SLCO1B3: variants seen among roughly 807,000 people sequenced by gnomAD.
SLCO1B3 encodes liver-specific organic anion transporter 2.
Under a neutral mutation model 71.8 loss-of-function variants are expected in SLCO1B3, and 72 were observed. That is an observed-to-expected ratio of 1.00 (90% confidence interval 0.83 to 1.22). SLCO1B3 has a LOEUF of 1.22. Among genes scored for constraint, SLCO1B3 ranks in the 50% most tolerant of loss-of-function variants. SLCO1B3 has a pLI of 0.00. For missense variants in SLCO1B3, 911 were observed against 819.7 expected, an observed-to-expected ratio of 1.11 and a Z score of -1.36; for synonymous variants, 298 against 278.4, an observed-to-expected ratio of 1.07 and a Z score of -0.70.
At chr12:20,821,946 G>T (rs1432720183) in intron 3 of SLCO1B3, among the ~76,000 whole-genome samples, 1 of 148,946 alleles carries the variant, frequency 6.7e-6, no homozygotes, top group Non-Finnish European at 1.5e-5. Flanking sequence ...TAAGAGAAGG[G>T]AGAGATTGAA....
At chr12:20,909,157 ATCTTTT>A (rs1414700453) in intron 15 of SLCO1B3, among the ~76,000 whole-genome samples, 1 of 144,628 alleles carries the variant, frequency 6.9e-6, no homozygotes, top group African/African-American at 2.6e-5. Flanking sequence ...GATGTGAAGC[ATCTTTT>A]TCTTTTTTTT....
At chr12:20,868,819 G>T (rs758145800) in intron 8 of SLCO1B3, among the ~76,000 whole-genome samples, 2 of 152,100 alleles carry the variant, frequency 1.3e-5, no homozygotes, top group Non-Finnish European at 2.9e-5. Context: ...GATAGGTAAG[G>T]TCACGTGGAT....
At chr12:20,855,620 C>G (rs1865118414) in intron 4 of SLCO1B3, among the ~76,000 whole-genome samples, 1 of 150,030 alleles carries the variant, frequency 6.7e-6, no homozygotes. Flanking sequence ...ACACTAGATT[C>G]TACTGTTTAA....
chr12:20,904,055 C>T (rs1037136880), intron 15 of SLCO1B3, among the ~76,000 whole-genome samples: 48 of 152,062 alleles, frequency 3.2e-4, no homozygotes, highest in Non-Finnish European at 5.1e-4. Flanking sequence ...CTGGTTAACA[C>T]GGTGAAACCT....
intron 3 of SLCO1B3, among the ~76,000 whole-genome samples, chr12:20,846,506 A>C (rs944024431): frequency 5.3e-5 from 8 of 152,226 alleles, no homozygotes; most frequent in Non-Finnish European, 1.0e-4. Context: ...ATATGCAAAC[A>C]TTCAGTCCTT....
In SLCO1B3 at chr12:20,862,521, T is replaced by A. The variant is rs974786731; in HGVS notation, c.591T>A (p.Asp197Glu). The A allele has an allele frequency of 1.9e-6, 3 of 1,611,630 alleles. No individual in the cohort carries two copies. The highest frequency in any genetic ancestry group is 2.5e-6 in the Non-Finnish European group (3 of 1,178,798). The change falls in exon 7 of 16, where the codon GAT becomes GAA. Residue 197 changes from aspartate (D) to glutamate (E), a missense_variant. Transcript: ENST00000381545. ...PIVPLGISYI[D>E]DFAKEGHSSL... ...TACCATTGGGGATTTCATACATTGA[T>A]GATTTTGCAAAAGAAGGACATTCTT...
intron 14 of SLCO1B3, among the ~76,000 whole-genome samples, chr12:20,900,535 C>T (rs1866108215): frequency 6.6e-6 from 1 of 152,106 alleles, no homozygotes; most frequent in Admixed American, 6.5e-5. Flanking sequence ...CCTGGAATGC[C>T]TCACAGTCAT....
intron 8 of SLCO1B3, among the ~76,000 whole-genome samples, chr12:20,863,487 G>A (rs1265916942): frequency 2.6e-5 from 4 of 152,058 alleles, no homozygotes; most frequent in East Asian, 1.9e-4. Context: ...TCGACTTCAG[G>A]CCCTCCTTCC....
chr12:20,875,598 T>C, intron 9 of SLCO1B3, 121 bp downstream of exon 9: 1 of 1,019,434 alleles, frequency 9.8e-7, no homozygotes. Flanking sequence ...CTGCTAAATT[T>C]AGCTGAATTA....
intron 5 of SLCO1B3, among the ~76,000 whole-genome samples, chr12:20,860,085 A>T (rs1865227122): frequency 6.6e-6 from 1 of 150,912 alleles, no homozygotes; most frequent in Admixed American, 6.6e-5. Flanking sequence ...CCTCCCGAGT[A>T]GCTGGGACTA....
chr12:20,896,150 T>G (rs1241669447), intron 13 of SLCO1B3, among the ~76,000 whole-genome samples: 1 of 152,204 alleles, frequency 6.6e-6, no homozygotes, highest in Non-Finnish European at 1.5e-5. Flanking sequence ...GGGGCTACCA[T>G]GAAGACTTCT....
intron 3 of SLCO1B3, among the ~76,000 whole-genome samples, chr12:20,847,541 AAT>A (rs35530212): frequency 0.67 from 101,139 of 151,800 alleles, 36,906 homozygotes; most frequent in South Asian, 0.83. Flanking sequence ...AGAATTATGA[AAT>A]ATACATGTTT....
At chr12:20,831,511 C>T (rs1357546483) in intron 3 of SLCO1B3, among the ~76,000 whole-genome samples, 2 of 152,076 alleles carry the variant, frequency 1.3e-5, no homozygotes, top group Non-Finnish European at 2.9e-5. Flanking sequence ...ATATTAACCT[C>T]AACAATCGCA....
intron 3 of SLCO1B3, among the ~76,000 whole-genome samples, chr12:20,839,397 T>C (rs1864749136): frequency 6.6e-6 from 1 of 152,108 alleles, no homozygotes; most frequent in East Asian, 1.9e-4. Context: ...CTTATTTTTC[T>C]TTCATGTTAG....
intron 3 of SLCO1B3, among the ~76,000 whole-genome samples, chr12:20,821,902 T>G (rs1864319117): frequency 6.6e-6 from 1 of 152,158 alleles, no homozygotes; most frequent in African/African-American, 2.4e-5. Context: ...ACATGTCTCC[T>G]TTGTCTCTAT....
At position 20,875,353 on chromosome 12, in the gene SLCO1B3, T is replaced by C. The variant is rs1865558098; in HGVS notation, c.846T>C (p.Asn282=). The C allele has an allele frequency of 6.2e-7, 1 of 1,613,182 alleles. No homozygotes were observed. The highest frequency in any genetic ancestry group is 1.3e-5 in the African/African-American group (1 of 74,928). The part of the protein sequence containing the change: ...SSIPFFFLPK[N]PNKPQKERKI... Reference sequence around the variant, plus strand: ...TACCATTTTTTTTCTTGCCGAAAAATCCAAATAAACCACAAAAAGAAAGAA... The same window carrying C: ...TACCATTTTTTTTCTTGCCGAAAAACCCAAATAAACCACAAAAAGAAAGAA... The change falls in exon 9 of 16, where the codon AAT becomes AAC. Residue 282 remains asparagine, a synonymous_variant. Transcript: ENST00000381545.
At chr12:20,822,725 T>TA (rs994906274) in intron 3 of SLCO1B3, among the ~76,000 whole-genome samples, 3 of 151,260 alleles carry the variant, frequency 2.0e-5, no homozygotes, top group African/African-American at 7.3e-5. Context: ...AATCGGCACT[T>TA]TACACAATAT....
intron 13 of SLCO1B3, among the ~76,000 whole-genome samples, chr12:20,893,095 G>A (rs1865934414): frequency 6.6e-6 from 1 of 152,132 alleles, no homozygotes; most frequent in African/African-American, 2.4e-5. Flanking sequence ...AAGAGCTAGG[G>A]CTGGAGCTTC....
At chr12:20,912,680 C>T (rs1021562174) in intron 15 of SLCO1B3, among the ~76,000 whole-genome samples, 13 of 151,778 alleles carry the variant, frequency 8.6e-5, no homozygotes, top group African/African-American at 2.4e-5. Flanking sequence ...TGCACCCCCA[C>T]ACGCAGCTAA....
Sources: allele counts gnomAD v4.1 joint callset (sites outside exome capture counted in the v4.1 genomes callset), GRCh38; gene constraint gnomAD v4.1.1; transcripts MANE v1.5; gene names NCBI Gene and HGNC (gene_info 2026-07-23, HGNC 2026-07-21).